The following WAC variants were observed in gnomAD, a reference collection of about 807,000 sequenced individuals.
WAC encodes WW domain-containing adapter protein with coiled-coil.
In WAC, 11 loss-of-function variants were observed where a neutral mutation model predicts 79.6. The observed-to-expected ratio is 0.14, with a 90% CI of 0.09 to 0.23. WAC has a LOEUF of 0.23. WAC is among the 10% of genes least tolerant of loss of function. WAC has a pLI of 1.00. For synonymous variants in WAC, 304 were observed against 276.9 expected, an observed-to-expected ratio of 1.10 and a Z score of -0.97; for missense variants, 728 against 773.5, an observed-to-expected ratio of 0.94 and a Z score of 0.70.
intron 10 of WAC, among the ~76,000 whole-genome samples, chr10:28,614,292 A>G (rs1195199502): frequency 6.6e-6 from 1 of 151,978 alleles, no homozygotes; most frequent in Non-Finnish European, 1.5e-5. Flanking sequence ...TTTTTAGTAG[A>G]GACGGGGTTT....
At chr10:28,535,886 C>CT (rs1836634303) in intron 3 of WAC, 129 bp downstream of exon 3, 2 of 792,786 alleles carry the variant, frequency 2.5e-6, no homozygotes, top group African/African-American at 1.8e-5. Flanking sequence ...TTAATCCTAT[C>CT]ATTTTTTTTT....
Position 28,595,852 on chromosome 10 carries a change from A to C in WAC, c.730A>C (p.Thr244Pro), listed in dbSNP as rs377018896. The change falls in exon 7 of 14, where the codon ACG (threonine) becomes CCG (proline). Residue 244 changes from threonine to proline, a missense_variant. Physicochemically the swap from Thr to Pro is conservative, Grantham distance 38. Coordinates refer to ENST00000354911, the MANE Select transcript of WAC (RefSeq NM_016628.5). Reference sequence around the variant, plus strand: ...AAGAGCAGAGACTCACAGTAGTTCTACGCCAGTACAGCACCCCATCAAACC... The same window carrying C: ...AAGAGCAGAGACTCACAGTAGTTCTCCGCCAGTACAGCACCCCATCAAACC... ...LPRAETHSSS[T>P]PVQHPIKPVV... is the part of the protein sequence containing the mutation. The C allele has an allele frequency of 8.7e-6, 14 of 1,614,198 alleles. No homozygotes were observed. In the African/African-American group the frequency reaches 1.3e-4, roughly 15 times the overall value.
intron 7 of WAC, among the ~76,000 whole-genome samples, chr10:28,600,455 TGCTTTGCTTTAA>T (rs1428947951): frequency 1.3e-5 from 2 of 152,180 alleles, no homozygotes; most frequent in Non-Finnish European, 2.9e-5. Context: ...AGCACTCAGT[TGCTTTGCTTTAA>T]AATAATTTTT....
At chr10:28,533,960 CGT>C (rs1256093749) in intron 1 of WAC, 36 bp from the exon 2 acceptor site, 2 of 1,604,190 alleles carry the variant, frequency 1.2e-6, no homozygotes, top group African/African-American at 2.7e-5. Context: ...CCACCCGCGC[CGT>C]GTCTTATGTC....
chr10:28,584,583 A>G (rs190376939), intron 4 of WAC, among the ~76,000 whole-genome samples: 2 of 152,318 alleles, frequency 1.3e-5, no homozygotes, highest in South Asian at 2.1e-4. Flanking sequence ...ATAGGAAAGA[A>G]TGAACAATGA....
At chr10:28,579,262 G>A (rs1564397948) in intron 3 of WAC, among the ~76,000 whole-genome samples, 1 of 149,928 alleles carries the variant, frequency 6.7e-6, no homozygotes, top group East Asian at 2.0e-4. Context: ...AAATGGCATT[G>A]CCTCCGTTGC....
chr10:28,611,804 T>C lies in WAC; in HGVS notation c.1319T>C (p.Leu440Ser). Residue 440 changes from leucine (L) to serine (S), a missense_variant, in exon 10 of 14, where the codon TTA becomes TCA. By Grantham distance (145) the Leu-to-Ser change is moderately radical. Coordinates refer to ENST00000354911, the MANE Select transcript of WAC (RefSeq NM_016628.5). ...CCATCTAATCAGTCTCCGATGTCTT[T>C]AACATCTGATGCGTCATCCCCAAGA... is the stretch of plus-strand genomic sequence containing the variant. ...AQPSNQSPMS[L>S]TSDASSPRSY... 1 of 1,614,166 alleles carries C rather than the reference T, an allele frequency of 6.2e-7. No individual in the cohort carries two copies. Among genetic ancestry groups the C allele is most frequent in the South Asian group, 1.1e-5 (1 of 91,084 alleles).
intron 12 of WAC, 55 bp from the exon 13 acceptor site, chr10:28,617,599 TTTA>T (rs1841527268): frequency 7.0e-7 from 1 of 1,432,830 alleles, no homozygotes. Context: ...AATTTAATGT[TTTA>T]TTTTGTGTAT....
chr10:28,554,461 A>G (rs1291421778), intron 3 of WAC, among the ~76,000 whole-genome samples: 27 of 152,216 alleles, frequency 1.8e-4, no homozygotes, highest in Admixed American at 1.8e-3. Context: ...TAAGAGTTGT[A>G]TTAACTTAAG....
intron 11 of WAC, chr10:28,615,092 C>T (rs1214966339): frequency 1.2e-5 from 2 of 166,622 alleles, no homozygotes; most frequent in Admixed American, 1.2e-4. Context: ...TGTTTCCCAA[C>T]TGGTATATGT....
chr10:28,544,413 A>AT, intron 3 of WAC, among the ~76,000 whole-genome samples: 1 of 152,304 alleles, frequency 6.6e-6, no homozygotes. Flanking sequence ...CGCTAGCTAG[A>AT]TGACCTAACA....
chr10:28,547,159 A>G (rs1423717644), intron 3 of WAC, among the ~76,000 whole-genome samples: 2 of 152,094 alleles, frequency 1.3e-5, no homozygotes, highest in Non-Finnish European at 2.9e-5. Flanking sequence ...GGCAGATGGG[A>G]TTATTTTATA....
At chr10:28,550,368 CTTT>C (rs1202500068) in intron 3 of WAC, among the ~76,000 whole-genome samples, 1 of 144,338 alleles carries the variant, frequency 6.9e-6, no homozygotes, top group Non-Finnish European at 1.5e-5. Flanking sequence ...CCTACCTCAC[CTTT>C]TTTTTTTTTC....
chr10:28,534,051 G>T lies in WAC; in HGVS notation c.78+17G>T. 2 of 1,574,684 alleles carry T rather than the reference G, an allele frequency of 1.3e-6. No homozygotes were observed. Among genetic ancestry groups the T allele is most frequent in the Non-Finnish European group, 1.7e-6 (2 of 1,162,746 alleles). On this transcript the variant is annotated intron_variant, in intron 2 of 13. Coordinates refer to ENST00000354911, the MANE Select transcript of WAC (RefSeq NM_016628.5). ...CCTTACCAGGTACCAGCCGAGGCCG[G>T]GGTGGAGGGATTGGAAGGGGCCGGA...
intron 3 of WAC, among the ~76,000 whole-genome samples, chr10:28,576,572 T>C (rs1003029559): frequency 2.0e-5 from 3 of 152,214 alleles, no homozygotes; most frequent in African/African-American, 4.8e-5. Flanking sequence ...TAAAAAAGAA[T>C]TAAGTTTTAT....
chr10:28,602,011 C>T (rs991621534), intron 7 of WAC, among the ~76,000 whole-genome samples: 1 of 152,182 alleles, frequency 6.6e-6, no homozygotes, highest in Non-Finnish European at 1.5e-5. Flanking sequence ...CTGCATTATA[C>T]TTGTAAAATG....
chr10:28,546,236 G>A (rs1237792000), intron 3 of WAC, among the ~76,000 whole-genome samples: 1 of 152,190 alleles, frequency 6.6e-6, no homozygotes, highest in Non-Finnish European at 1.5e-5. Flanking sequence ...AGCTAAAAAA[G>A]CAATGCTAGT....
intron 3 of WAC, among the ~76,000 whole-genome samples, chr10:28,552,315 A>G (rs746254576): frequency 6.6e-5 from 10 of 152,200 alleles, no homozygotes; most frequent in Non-Finnish European, 1.3e-4. Flanking sequence ...TAGGCTCAGA[A>G]TTTATCAGAA....
At chr10:28,599,887 A>T (rs1424008133) in intron 7 of WAC, among the ~76,000 whole-genome samples, 1 of 152,138 alleles carries the variant, frequency 6.6e-6, no homozygotes, top group Non-Finnish European at 1.5e-5. Flanking sequence ...ACTTTATTGG[A>T]CCACCATACA....
Sources: allele counts gnomAD v4.1 joint callset (sites outside exome capture counted in the v4.1 genomes callset), GRCh38; gene constraint gnomAD v4.1.1; transcripts MANE v1.5; gene names NCBI Gene and HGNC (gene_info 2026-07-23, HGNC 2026-07-21).